Variants in GHDC observed in about 807,000 individuals in gnomAD.
GHDC encodes the protein GH3 domain containing.
A neutral mutation model predicts 51.5 loss-of-function variants in GHDC; 39 were observed. That is an observed-to-expected ratio of 0.76 (90% CI 0.59 to 0.99). The LOEUF is 0.99. Among genes scored for constraint, GHDC ranks in the 50% least tolerant of loss-of-function variants. GHDC has a pLI of 0.00. For missense variants in GHDC, 610 were observed against 672.8 expected, an observed-to-expected ratio of 0.91 and a Z score of 1.03; for synonymous variants, 282 against 305.2, an observed-to-expected ratio of 0.92 and a Z score of 0.79.
At chr17:42,190,138 G>T in intron 9 of GHDC, 47 bp downstream of exon 9, 1 of 1,577,014 alleles carries the variant, frequency 6.3e-7, no homozygotes, top group Non-Finnish European at 8.6e-7. Flanking sequence ...CTGGGAGTGT[G>T]CAGAGTGAAG....
intron 9 of GHDC, 93 bp from the exon 10 acceptor site, chr17:42,190,014 GT>G: frequency 1.5e-6 from 2 of 1,351,690 alleles, no homozygotes; most frequent in Non-Finnish European, 2.0e-6. Context: ...GTGTTTAGAA[GT>G]TTTGTGTGGA....
intron 3 of GHDC, 77 bp from the exon 4 acceptor site, chr17:42,193,104 T>G: frequency 6.2e-7 from 1 of 1,603,092 alleles, no homozygotes; most frequent in Non-Finnish European, 8.5e-7. Context: ...GTGAGACCCT[T>G]GAGGGAGGAA....
intron 3 of GHDC, 77 bp downstream of exon 3, chr17:42,193,240 C>A: frequency 1.3e-6 from 2 of 1,519,612 alleles, no homozygotes; most frequent in South Asian, 2.5e-5. Context: ...GTAAGGGGGC[C>A]ATCAGGCTCT....
At position 42,190,282 on chromosome 17, in the gene GHDC, C is replaced by A. The variant is rs2079957692; in HGVS notation, c.1289-12G>T. Reference sequence around the variant, plus strand: ...GCCCGCAGAGGAATCTGTGAATAGACCCCATGTGCACACATACTTCCGGTG... The same window carrying A: ...GCCCGCAGAGGAATCTGTGAATAGAACCCATGTGCACACATACTTCCGGTG... On this transcript the variant is annotated splice_polypyrimidine_tract_variant and intron_variant, in intron 8 of 9. Coordinates refer to ENST00000587427, the MANE Select transcript of GHDC (RefSeq NM_032484.5). 1 of 1,614,176 alleles carries A rather than the reference C, an allele frequency of 6.2e-7. No homozygotes were observed. Among genetic ancestry groups the A allele is most frequent in the Admixed American group, 1.7e-5 (1 of 60,016 alleles).
chr17:42,190,179 C>T lies in GHDC; in HGVS notation c.1374+6G>A. The T allele has an allele frequency of 6.2e-7, 1 of 1,613,052 alleles. No homozygotes were observed. Among genetic ancestry groups the T allele is most frequent in the Non-Finnish European group, 8.5e-7 (1 of 1,179,378 alleles). On this transcript the variant is annotated splice_donor_region_variant and intron_variant, in intron 9 of 9. Transcript: ENST00000587427. ...TACAGTCAGACCCTGTCCTCGTCTC[C>T]TTTACCTTGTCTCGATTTTCCTCTG...
In GHDC at chr17:42,190,246, TGGG is replaced by T; in HGVS notation, c.1310_1312del (p.Pro437del). 1 of 1,614,140 alleles carries T rather than the reference TGGG, an allele frequency of 6.2e-7. No individual in the cohort carries two copies. The highest frequency in any genetic ancestry group is 1.1e-5 in the South Asian group (1 of 91,080). ...CCTCAGCGCCACAAACACCTCGTAG[TGGG>T]GAGCAGAGCCCGCAGAGGAATCTGT... On this transcript the variant is annotated inframe_deletion, in exon 9 of 10. Transcript: ENST00000587427.
At position 42,191,142 on chromosome 17, in the gene GHDC, AG is replaced by A; in HGVS notation, c.957del (p.Phe320LeufsTer34). The A allele has an allele frequency of 1.3e-6, 2 of 1,551,052 alleles. No homozygotes were observed. The highest frequency in any genetic ancestry group is 2.3e-5 in the East Asian group (1 of 43,270). Reference sequence around the variant, plus strand: ...TCCTTGACTGGGAGCAGCTCGATAAAGGGGGCCCCAGGGGGCAGAAGGTAGA... The same window carrying A: ...TCCTTGACTGGGAGCAGCTCGATAAAGGGGCCCCAGGGGGCAGAAGGTAGA... ...HGLYLLPPGAPFIELLPVKEG... is the reference protein window; with the variant it reads ...HGLYLLPPGAXFIELLPVKEG... On this transcript the variant is annotated frameshift_variant, in exon 6 of 10. Coordinates refer to ENST00000587427, the MANE Select transcript of GHDC (RefSeq NM_032484.5). LOFTEE classifies it high-confidence loss of function.
In GHDC at chr17:42,189,881, G is replaced by C. The variant is rs1475329518; in HGVS notation, c.1415C>G (p.Ser472Cys). The change falls in exon 10 of 10, where the codon TCC becomes TGC. Residue 472 changes from serine (S) to cysteine (C), a missense_variant. Around this residue, in one of 2 missense-constraint regions of GHDC, gnomAD observed 412 missense variants for 410.4 expected, o/e 1.00. Transcript: ENST00000587427. The stretch of plus-strand genomic sequence containing the variant: ...GCCCACGCTGCCCCAGAACCGCAGG[G>C]ACTTGTAGCGGGGAGAGGCTTCCTG... ...CLQEASPRYK[S>C]LRFWGSVGPA... The C allele has an allele frequency of 6.4e-7, 1 of 1,556,094 alleles. No homozygotes were observed.
chr17:42,193,801 T>C lies in GHDC; in HGVS notation c.-48A>G, dbSNP rs947027824. On this transcript the variant is annotated 5_prime_UTR_variant, in exon 2 of 10. Transcript: ENST00000587427. Reference sequence around the variant, plus strand: ...GATCCTGCCTCTGCCGCTTGTTAGCTGTAGGGCCCTGAGCAATTTAGTGGG... The same window carrying C: ...GATCCTGCCTCTGCCGCTTGTTAGCCGTAGGGCCCTGAGCAATTTAGTGGG... The C allele has an allele frequency of 3.5e-5, 22 of 623,994 alleles. No individual in the cohort carries two copies. Among genetic ancestry groups the C allele is most frequent in the Non-Finnish European group, 5.8e-5 (21 of 364,806 alleles). The allele number at this position is 623,994 out of a possible 1,614,324, so 38.7% of individuals were successfully genotyped here.
At chr17:42,193,055 C>G in intron 3 of GHDC, 28 bp from the exon 4 acceptor site, 1 of 1,613,876 alleles carries the variant, frequency 6.2e-7, no homozygotes, top group Non-Finnish European at 8.5e-7. Context: ...ACAGAAACGC[C>G]TCAGGAAGCC....
At chr17:42,193,676 A>C in intron 2 of GHDC, 82 bp from the exon 3 acceptor site, 1 of 1,426,272 alleles carries the variant, frequency 7.0e-7, no homozygotes, top group South Asian at 1.5e-5. Context: ...ATACAGGAAA[A>C]CCGAGGAAAA....
Position 42,193,864 on chromosome 17 carries a change from A to G in GHDC, c.-97-14T>C. 1 of 470,396 alleles carries G rather than the reference A, an allele frequency of 2.1e-6. No homozygotes were observed. Among genetic ancestry groups the G allele is most frequent in the Non-Finnish European group, 3.8e-6 (1 of 265,194 alleles). 29.1% of individuals were successfully genotyped at this position (470,396 alleles called of 1,614,324 possible). ...CTGTTTCCTGATCTGCAAAATGGGA[A>G]TAAGAATAAGAATGCCTCTTTCAGA... is the stretch of plus-strand genomic sequence containing the variant. On this transcript the variant is annotated splice_polypyrimidine_tract_variant and intron_variant, in intron 1 of 9. Transcript: ENST00000587427.
rs1445859635 is a variant in GHDC at position 42,193,034 on chromosome 17, C to T, written c.266-7G>A. 6.2e-7 allele frequency: 1 copy of T among 1,613,998 alleles called. No homozygotes were observed. Among genetic ancestry groups the T allele is most frequent in the African/African-American group, 1.3e-5 (1 of 74,914 alleles). On this transcript the variant is annotated splice_polypyrimidine_tract_variant and splice_region_variant and intron_variant, in intron 3 of 9. Coordinates refer to ENST00000587427, the MANE Select transcript of GHDC (RefSeq NM_032484.5). ...TTCCGGAAGGTGCTTATGTCTATAG[C>T]CCCAATGACAACAGAAACGCCTCAG...
Position 42,189,921 on chromosome 17 carries a change from G to T in GHDC, c.1375C>A (p.Leu459Met). 1.3e-6 allele frequency: 2 copies of T among 1,527,102 alleles called. No individual in the cohort carries two copies. The highest frequency in any genetic ancestry group is 1.8e-6 in the Non-Finnish European group (2 of 1,135,576). The allele number at this position is 1,527,102 out of a possible 1,614,324, so 94.6% of individuals were successfully genotyped here. A position where few individuals can be genotyped will look rare whatever the true frequency, so the allele number is the denominator to read the frequency against. ...GAGGCTTCCTGAAGGCAGTGGTCCA[G>T]CTGGGAACAGAACAGCCTGAGTGAG... ...RNLSEENRDK[L>M]DHCLQEASPR... Residue 459 changes from leucine to methionine, a missense_variant and splice_region_variant, in exon 10 of 10, where the codon CTG (leucine) becomes ATG (methionine). Coordinates refer to ENST00000587427, the MANE Select transcript of GHDC (RefSeq NM_032484.5).
rs1465677568 is a variant in GHDC, at chr17:42,191,084, AGGAGGGT to A, written c.1009_1015del (p.Thr337PhefsTer15). On this transcript the variant is annotated frameshift_variant, in exon 6 of 10. Coordinates refer to ENST00000587427, the MANE Select transcript of GHDC (RefSeq NM_032484.5). LOFTEE classifies it high-confidence loss of function. ...CTTGCCCTGCTGGGCCTCGGCCAAAAGGAGGGTGGAGGCAGCTTCCTCCTGGGTGCCT... is the reference window on the plus strand; with the variant it reads ...CTTGCCCTGCTGGGCCTCGGCCAAAAGGAGGCAGCTTCCTCCTGGGTGCCT... The A allele has an allele frequency of 1.3e-6, 2 of 1,579,444 alleles. No homozygotes were observed. Among genetic ancestry groups the A allele is most frequent in the African/African-American group, 2.7e-5 (2 of 73,176 alleles).
chr17:42,190,863 T>C lies in GHDC; in HGVS notation c.1123A>G (p.Asn375Asp), dbSNP rs751485108. Residue 375 changes from asparagine to aspartate, a missense_variant, in exon 7 of 10, where the codon AAT becomes GAT. Asn to Asp is a conservative substitution (Grantham distance 23, BLOSUM62 1). Transcript: ENST00000587427. Reference sequence around the variant, plus strand: ...ATGAACCTGACGACTGGACACTGATTGTAGGCACCAACCACTCGCACCACA... The same window carrying C: ...ATGAACCTGACGACTGGACACTGATCGTAGGCACCAACCACTCGCACCACA... ...GDVVRVVGAY[N>D]QCPVVRFICR... 6.2e-7 allele frequency: 1 copy of C among 1,612,086 alleles called. No individual in the cohort carries two copies. The highest frequency in any genetic ancestry group is 8.5e-7 in the Non-Finnish European group (1 of 1,179,436).
rs79747604 is a variant in GHDC, at chr17:42,191,332, C to T, written c.890-122G>A. ...CCTGATCCTCCTGCTGCCCTTCCAC[C>T]ACATCCTTCCTGGCTCCCCCAGCCT... On this transcript the variant is annotated intron_variant, in intron 5 of 9. Transcript: ENST00000587427. 2.4e-3 allele frequency: 2,333 copies of T among 966,932 alleles called. 40 individuals carry two copies. The African/African-American group carries it at 0.036, about 15-fold the overall frequency. The allele number at this position is 966,932 out of a possible 1,614,324, so 59.9% of individuals were successfully genotyped here. A position where few individuals can be genotyped will look rare whatever the true frequency, so the allele number is the denominator to read the frequency against.
At chr17:42,190,935 C>A in intron 6 of GHDC, 32 bp from the exon 7 acceptor site, 2 of 1,592,252 alleles carry the variant, frequency 1.3e-6, no homozygotes, top group South Asian at 1.1e-5. Flanking sequence ...TGAGGTCGGG[C>A]CCAAGGTCTT....
chr17:42,190,588 C>G (rs889009478), intron 8 of GHDC, 36 bp downstream of exon 8: 1 of 1,596,702 alleles, frequency 6.3e-7, no homozygotes, highest in Non-Finnish European at 8.5e-7. Context: ...AAGGGTAGCT[C>G]AAGGATGGTA....
Sources: allele counts gnomAD v4.1 joint callset, GRCh38; gene constraint gnomAD v4.1.1; regional missense constraint gnomAD v4.1.1; transcripts MANE v1.5; gene names NCBI Gene and HGNC (gene_info 2026-07-23, HGNC 2026-07-21).